Variants in CLCN5 observed in about 807,000 individuals in gnomAD.
CLCN5 encodes the protein Cl-/H+ antiporter 5, also known as H(+)/Cl(-) exchange transporter 5.
A neutral mutation model predicts 54.0 loss-of-function variants in CLCN5; 17 were observed. The ratio of observed to expected loss-of-function variants is 0.31; its 90% CI spans 0.22 to 0.47. The LOEUF (loss-of-function observed/expected upper bound fraction) is 0.47, where lower values mean the gene tolerates loss of function less well. CLCN5 is among the 20% of genes least tolerant of loss of function. The pLI is 1.00. For missense variants in CLCN5, 448 were observed against 646.7 expected, an observed-to-expected ratio of 0.69 and a Z score of 3.33; for synonymous variants, 222 against 233.0, an observed-to-expected ratio of 0.95 and a Z score of 0.43.
At chrX:49,929,430 A>G (rs782515719) in intron 3 of CLCN5, among the ~76,000 whole-genome samples, 168 of 111,872 alleles carry the variant, frequency 1.5e-3, no homozygotes, top group Non-Finnish European at 2.4e-3. Context: ...CATTTATTGA[A>G]CACTACTTGT....
chrX:49,948,711 TCAG>T (rs1926885297), intron 3 of CLCN5, among the ~76,000 whole-genome samples: 1 of 111,883 alleles, frequency 8.9e-6, no homozygotes, highest in Non-Finnish European at 1.9e-5. Context: ...CATGAGCAAT[TCAG>T]CAGGTAACAG....
chrX:50,077,837 A>G lies in CLCN5; in HGVS notation c.603+1855A>G, dbSNP rs1390217814. On this transcript the variant is annotated intron_variant, in intron 7 of 14. Transcript: ENST00000376091. ...CAAAAAAAAAAAAAAAAAAAAAAAAAAAAAAAAAAAAACATGTATATACAC... is the reference window on the plus strand; with the variant it reads ...CAAAAAAAAAAAAAAAAAAAAAAAAGAAAAAAAAAAAACATGTATATACAC... 6.3e-4 allele frequency among the ~76,000 whole-genome samples: 60 copies of G among 95,707 alleles called. 2 individuals carry two copies. The highest frequency in any genetic ancestry group is 2.2e-3 in the African/African-American group (59 of 26,766). 83.1% of individuals were successfully genotyped at this position (95,707 alleles called of 115,157 possible). A position where few individuals can be genotyped will look rare whatever the true frequency, so the allele number is the denominator to read the frequency against.
At chrX:50,062,093 C>T (rs1379307490) in intron 4 of CLCN5, among the ~76,000 whole-genome samples, 2 of 107,601 alleles carry the variant, frequency 1.9e-5, no homozygotes, top group African/African-American at 7.0e-5. Context: ...GAAGAAAGTG[C>T]ATCAACTAAT....
At chrX:50,059,150 T>A (rs1018359993) in intron 4 of CLCN5, among the ~76,000 whole-genome samples, 2 of 112,507 alleles carry the variant, frequency 1.8e-5, no homozygotes, top group Non-Finnish European at 3.8e-5. Context: ...CTGTTTGTCA[T>A]CAAGTCAGCT....
At chrX:50,050,688 C>G (rs1243382326) in intron 4 of CLCN5, among the ~76,000 whole-genome samples, 2 of 73,429 alleles carry the variant, frequency 2.7e-5, no homozygotes, top group Non-Finnish European at 4.6e-5. Context: ...GAGATGGAGT[C>G]TCGCTCTGTT....
chrX:49,968,732 A>T (rs1928037703), intron 3 of CLCN5, among the ~76,000 whole-genome samples: 1 of 56,292 alleles, frequency 1.8e-5, no homozygotes, highest in Non-Finnish European at 2.7e-5. Flanking sequence ...AAACCTAGGC[A>T]TTACCATTCA....
At chrX:49,966,608 T>TTTTTTTTTTTTTTTTTTTTTTTTTTTC (rs1927890263) in intron 3 of CLCN5, among the ~76,000 whole-genome samples, 1 of 21,133 alleles carries the variant, frequency 4.7e-5, no homozygotes, top group Non-Finnish European at 7.2e-5. Context: ...TTTTTTTTTT[T>TTTTTTTTTTTTTTTTTTTTTTTTTTTC]TTTATTTTTT....
At chrX:50,080,267 ATATATAT>A (rs1258096465) in intron 7 of CLCN5, among the ~76,000 whole-genome samples, 2 of 111,195 alleles carry the variant, frequency 1.8e-5, no homozygotes, top group African/African-American at 6.5e-5. Flanking sequence ...ACATGGAATC[ATATATAT>A]TTGACTACAA....
At chrX:49,937,956 G>A (rs1290395396) in intron 3 of CLCN5, among the ~76,000 whole-genome samples, 2 of 111,170 alleles carry the variant, frequency 1.8e-5, no homozygotes, top group Non-Finnish European at 3.8e-5. Flanking sequence ...GCCCCTTCTA[G>A]CTCAGTCTCC....
chrX:50,073,617 A>G (rs1416124512), intron 6 of CLCN5, among the ~76,000 whole-genome samples: 1 of 112,156 alleles, frequency 8.9e-6, no homozygotes, highest in African/African-American at 3.2e-5. Context: ...CCAAGAGAGA[A>G]TAATTCATGA....
At chrX:50,090,911 A>G (rs1934075155) in intron 14 of CLCN5, 25 bp downstream of exon 14, 1 of 1,123,303 alleles carries the variant, frequency 8.9e-7, no homozygotes, top group African/African-American at 1.8e-5. Flanking sequence ...GTGAAGTCAA[A>G]TTGAATTGTG....
At position 49,954,043 on chromosome X, in the gene CLCN5, A is replaced by G. The variant is rs1050170139; in HGVS notation, c.16+28729A>G. Among the ~76,000 whole-genome samples, 6 of 112,309 alleles carry G rather than the reference A, an allele frequency of 5.3e-5. No individual in the cohort carries two copies. In the Admixed American group the frequency reaches 5.6e-4, roughly 11 times the overall value. On this transcript the variant is annotated intron_variant, in intron 3 of 14. Coordinates refer to ENST00000376091, the MANE Select transcript of CLCN5 (RefSeq NM_001127898.4). ...GTTATTTTTAAGGATAGTGACTCTC[A>G]TAATGTTGCACAGGTTGCTTCTCAG...
At chrX:50,063,680 A>G (rs1410401689) in intron 4 of CLCN5, among the ~76,000 whole-genome samples, 1 of 108,730 alleles carries the variant, frequency 9.2e-6, no homozygotes, top group Admixed American at 9.8e-5. Flanking sequence ...TCATTCTGAT[A>G]CCAAAGCCAG....
chrX:49,979,926 A>T (rs182790729), intron 3 of CLCN5, among the ~76,000 whole-genome samples: 30 of 109,326 alleles, frequency 2.7e-4, no homozygotes, highest in African/African-American at 7.3e-4. Flanking sequence ...AACATGATTT[A>T]AAAAAAAAAT....
At chrX:49,995,400 T>TA (rs1278896057) in intron 3 of CLCN5, among the ~76,000 whole-genome samples, 7 of 112,035 alleles carry the variant, frequency 6.2e-5, no homozygotes, top group African/African-American at 2.3e-4. Flanking sequence ...CGAAAATAGT[T>TA]ACGGAGTTTC....
intron 3 of CLCN5, among the ~76,000 whole-genome samples, chrX:49,976,673 A>G (rs1557176939): frequency 8.9e-6 from 1 of 112,370 alleles, no homozygotes; most frequent in African/African-American, 3.2e-5. Context: ...CTAAAACAGC[A>G]GCTCTCATTA....
rs1399736146 is a variant in CLCN5 at position 50,090,861 on chromosome X, C to T, written c.2335C>T (p.Arg779Trp). ...VVDIFRKLGL[R>W]QCLVTHNGRL... The stretch of plus-strand genomic sequence containing the variant: ...GGATATTTTCCGAAAGCTGGGACTG[C>T]GGCAGTGCCTGGTTACACACAACGG... Residue 779 changes from arginine to tryptophan, a missense_variant, in exon 14 of 15, where the codon CGG (arginine) becomes TGG (tryptophan). Physicochemically the swap from Arg to Trp is moderately radical, Grantham distance 101. Transcript: ENST00000376091. The T allele has an allele frequency of 3.3e-6, 4 of 1,207,547 alleles. No homozygotes were observed. The highest frequency in any genetic ancestry group is 4.5e-6 in the Non-Finnish European group (4 of 893,290).
At chrX:49,946,117 G>T (rs73490018) in intron 3 of CLCN5, among the ~76,000 whole-genome samples, 8,693 of 111,642 alleles carry the variant, frequency 0.078, 851 homozygotes, top group African/African-American at 0.27. Context: ...ATTAAATTTT[G>T]ATTTATTGTT....
chrX:50,030,484 TA>T (rs1931645670), intron 3 of CLCN5, among the ~76,000 whole-genome samples: 1 of 111,966 alleles, frequency 8.9e-6, no homozygotes, highest in Non-Finnish European at 1.9e-5. Context: ...TGCATTCATG[TA>T]ATCCAAACTG....
Sources: allele counts gnomAD v4.1 joint callset (sites outside exome capture counted in the v4.1 genomes callset), GRCh38; gene constraint gnomAD v4.1.1; transcripts MANE v1.5; gene names NCBI Gene and HGNC (gene_info 2026-07-23, HGNC 2026-07-21).